The following WNK3 variants were observed in gnomAD, a reference collection of about 807,000 sequenced individuals.
The protein encoded by WNK3 is WNK lysine deficient protein kinase 3.
A neutral mutation model predicts 116.7 loss-of-function variants in WNK3; 18 were observed. That is an observed-to-expected ratio of 0.15 (90% CI 0.11 to 0.23). The LOEUF (loss-of-function observed/expected upper bound fraction) is 0.23. Ranked by LOEUF, WNK3 falls within the 10% of genes least tolerant of loss-of-function variation. The probability of loss-of-function intolerance (pLI) is 1.00; values close to 1 mark genes in which losing one functional copy is unlikely to be tolerated. For synonymous variants in WNK3, 404 were observed against 469.4 expected (o/e 0.86, Z 1.80); for missense variants, 993 against 1,323.8 (o/e 0.75, Z 3.88).
At chrX:54,274,187 T>C (rs1490708499) in intron 10 of WNK3, among the ~76,000 whole-genome samples, 5 of 111,580 alleles carry the variant, frequency 4.5e-5, no homozygotes, top group Admixed American at 1.9e-4. Context: ...AGAGGATCCT[T>C]AATGCTGCCT....
intron 22 of WNK3, among the ~76,000 whole-genome samples, chrX:54,218,749 T>C (rs1557145946): frequency 9.2e-6 from 1 of 109,103 alleles, no homozygotes; most frequent in East Asian, 2.9e-4. Flanking sequence ...CCGGGTGTGG[T>C]GGTGCGCGTC....
At chrX:54,330,112 G>C (rs1221247701) in intron 2 of WNK3, among the ~76,000 whole-genome samples, 3 of 111,393 alleles carry the variant, frequency 2.7e-5, no homozygotes, top group African/African-American at 6.5e-5. Flanking sequence ...GGTGGCTCAC[G>C]CCTGTAATCC....
intron 17 of WNK3, among the ~76,000 whole-genome samples, chrX:54,245,145 C>CGTGTGTGTGTGT (rs782272022): frequency 7.7e-4 from 65 of 84,669 alleles, no homozygotes; most frequent in African/African-American, 2.8e-3. Context: ...CATATATATG[C>CGTGTGTGTGTGT]GTGTGTGTGT....
chrX:54,215,133 A>C (rs782372063), intron 22 of WNK3, among the ~76,000 whole-genome samples: 61 of 106,587 alleles, frequency 5.7e-4, no homozygotes, highest in Non-Finnish European at 1.0e-3. Context: ...AAAAAAAAAA[A>C]AAAAAACACC....
At chrX:54,208,186 G>A (rs1463773830) in intron 22 of WNK3, among the ~76,000 whole-genome samples, 1 of 109,862 alleles carries the variant, frequency 9.1e-6, no homozygotes, top group Non-Finnish European at 1.9e-5. Flanking sequence ...GTGCAGTGGC[G>A]CGATCTCAGC....
exon 16 of WNK3, chrX:54,250,084 T>C: frequency 8.3e-7 from 1 of 1,202,477 alleles, no homozygotes; most frequent in Non-Finnish European, 1.1e-6. Context: ...GTCTGATTGA[T>C]ACAGAATCGC....
chrX:54,327,173 G>A (rs2069115477), intron 2 of WNK3, among the ~76,000 whole-genome samples: 1 of 112,406 alleles, frequency 8.9e-6, no homozygotes, highest in Admixed American at 9.5e-5. Flanking sequence ...AATATCAGCA[G>A]TAAAATTTAT....
chrX:54,312,469 G>A (rs143897881), intron 2 of WNK3, among the ~76,000 whole-genome samples: 33 of 109,831 alleles, frequency 3.0e-4, no homozygotes, highest in African/African-American at 9.3e-4. Context: ...ACGGAGTCTC[G>A]CTCCATTGCC....
intron 12 of WNK3, 56 bp from the exon 13 acceptor site, chrX:54,254,131 T>C: frequency 1.3e-6 from 1 of 787,160 alleles, no homozygotes; most frequent in Non-Finnish European, 1.9e-6. Context: ...TTTTTGCAAA[T>C]TGTGCAAGGA....
chrX:54,209,810 C>A (rs782164676), intron 22 of WNK3, among the ~76,000 whole-genome samples: 1 of 110,426 alleles, frequency 9.1e-6, no homozygotes, highest in East Asian at 2.9e-4. Context: ...CTCAGCCTCC[C>A]CAAGTGTTGG....
intron 5 of WNK3, among the ~76,000 whole-genome samples, chrX:54,302,385 A>G (rs1426241191): frequency 9.1e-6 from 1 of 110,297 alleles, no homozygotes; most frequent in African/African-American, 3.3e-5. Context: ...GCAACCTCCC[A>G]CCTCCCTGGT....
chrX:54,288,192 G>A (rs2068600968), intron 10 of WNK3, among the ~76,000 whole-genome samples: 1 of 111,461 alleles, frequency 9.0e-6, no homozygotes, highest in Non-Finnish European at 1.9e-5. Context: ...GTTATCTAGT[G>A]CCTGAAGTAC....
At chrX:54,290,153 A>G (rs1557164720) in intron 10 of WNK3, among the ~76,000 whole-genome samples, 5 of 110,850 alleles carry the variant, frequency 4.5e-5, no homozygotes, top group Non-Finnish European at 3.8e-5. Flanking sequence ...GTGTGCTCCT[A>G]TAGTCCCAGC....
exon 2 of WNK3, chrX:54,333,681 A>C: frequency 8.5e-7 from 1 of 1,181,921 alleles, no homozygotes. Context: ...CATTGTAATT[A>C]AAGTTGGCAC....
chrX:54,254,897 C>T (rs1318240652), intron 12 of WNK3, among the ~76,000 whole-genome samples: 10 of 111,475 alleles, frequency 9.0e-5, no homozygotes, highest in Non-Finnish European at 1.3e-4. Context: ...GTTAGAGATA[C>T]GGGCTTTAAA....
intron 1 of WNK3, among the ~76,000 whole-genome samples, chrX:54,337,883 A>G (rs1557175720): frequency 1.8e-5 from 2 of 111,089 alleles, no homozygotes; most frequent in Admixed American, 1.9e-4. Context: ...CCTGGGCAAC[A>G]TGGCAAGACC....
chrX:54,292,902 C>G, exon 10 of WNK3: 1 of 1,209,329 alleles, frequency 8.3e-7, no homozygotes, highest in Non-Finnish European at 1.1e-6. Flanking sequence ...ATCTGTGGGA[C>G]CTTCTGAACA....
chrX:54,253,184 A>G (rs1319772017), intron 13 of WNK3, among the ~76,000 whole-genome samples: 1 of 108,341 alleles, frequency 9.2e-6, no homozygotes, highest in Non-Finnish European at 1.9e-5. Flanking sequence ...AGCCACAAAA[A>G]TTAAAAAAAA....
chrX:54,286,947 A>T (rs1557164083), intron 10 of WNK3, among the ~76,000 whole-genome samples: 1 of 110,013 alleles, frequency 9.1e-6, no homozygotes, highest in East Asian at 2.8e-4. Context: ...TCCCCAAATT[A>T]ACTAAATCTC....
Sources: gnomAD v4.1 joint callset for allele counts (sites outside exome capture counted in the v4.1 genomes callset) on GRCh38, gnomAD v4.1.1 for gene constraint, MANE v1.5 for transcripts, NCBI Gene and HGNC (gene_info 2026-07-23, HGNC 2026-07-21) for gene names.